RNF180: variants seen among roughly 807,000 people sequenced by gnomAD.
The protein encoded by RNF180 is ring finger protein 180.
In RNF180, 38 loss-of-function variants were observed where a neutral mutation model predicts 59.2. The ratio of observed to expected loss-of-function variants is 0.64; its 90% CI spans 0.50 to 0.84. RNF180 has a LOEUF of 0.84. RNF180 is among the 40% of genes least tolerant of loss of function. The probability of loss-of-function intolerance (pLI) is 0.00; values close to 1 mark genes in which losing one functional copy is unlikely to be tolerated. For missense variants in RNF180, 705 were observed against 700.9 expected, an observed-to-expected ratio of 1.01 and a Z score of -0.07; for synonymous variants, 262 against 240.3, an observed-to-expected ratio of 1.09 and a Z score of -0.84.
At chr5:64,339,885 T>G (rs1468060711) in intron 7 of RNF180, among the ~76,000 whole-genome samples, 1 of 152,122 alleles carries the variant, frequency 6.6e-6, no homozygotes, top group Non-Finnish European at 1.5e-5. Flanking sequence ...CAAATACATA[T>G]TTCATGTATT....
chr5:64,365,146 G>T (rs941856677), intron 7 of RNF180, among the ~76,000 whole-genome samples: 1 of 151,498 alleles, frequency 6.6e-6, no homozygotes, highest in African/African-American at 2.4e-5. Flanking sequence ...ATGTTAGGCT[G>T]TTAATTTCAG....
In RNF180 at chr5:64,369,648, G is replaced by A; in HGVS notation, c.1613G>A (p.Arg538Lys). ...FRRHAAPVTRRQFPHGAHRMD... is the reference protein window; with the variant it reads ...FRRHAAPVTRKQFPHGAHRMD... ...AGACATGCAGCTCCAGTTACAAGAA[G>A]GCAGTTCCCACACGGTGCACACAGG... Residue 538 changes from arginine (R) to lysine (K), a missense_variant, in exon 8 of 8, where the codon AGG (arginine) becomes AAG (lysine). Arg to Lys is a conservative substitution (Grantham distance 26, BLOSUM62 2). Coordinates refer to ENST00000389100, the MANE Select transcript of RNF180 (RefSeq NM_001113561.2). 6.5e-7 allele frequency: 1 copy of A among 1,527,758 alleles called. No homozygotes were observed. Among genetic ancestry groups the A allele is most frequent in the Non-Finnish European group, 8.8e-7 (1 of 1,139,280 alleles). 94.6% of individuals were successfully genotyped at this position (1,527,758 alleles called of 1,614,324 possible).
chr5:64,265,779 T>TGA (rs1744633355), intron 5 of RNF180, among the ~76,000 whole-genome samples: 1 of 151,972 alleles, frequency 6.6e-6, no homozygotes, highest in African/African-American at 2.4e-5. Flanking sequence ...CAGTGGTAGT[T>TGA]TGGGAATAGC....
At chr5:64,246,275 T>C (rs192832462) in intron 5 of RNF180, among the ~76,000 whole-genome samples, 44 of 151,880 alleles carry the variant, frequency 2.9e-4, no homozygotes, top group African/African-American at 9.9e-4. Context: ...TAGAGCAGAA[T>C]TGAAGGAGAA....
intron 1 of RNF180, among the ~76,000 whole-genome samples, chr5:64,193,566 C>G (rs542433615): frequency 6.6e-6 from 1 of 152,238 alleles, no homozygotes; most frequent in South Asian, 2.1e-4. Flanking sequence ...TATCTTGGCC[C>G]ATTCCCAATT....
chr5:64,284,613 C>T (rs892196619), intron 5 of RNF180, among the ~76,000 whole-genome samples: 2 of 152,176 alleles, frequency 1.3e-5, no homozygotes, highest in Non-Finnish European at 2.9e-5. Context: ...TGAACCTTAT[C>T]TATTCTGCTG....
intron 2 of RNF180, among the ~76,000 whole-genome samples, chr5:64,205,672 T>C (rs1407748922): frequency 1.3e-5 from 2 of 152,188 alleles, no homozygotes; most frequent in Admixed American, 1.3e-4. Context: ...AAGTTTTAGG[T>C]GAAGCTGTGA....
chr5:64,353,607 A>G (rs1229306542), intron 7 of RNF180, among the ~76,000 whole-genome samples: 1 of 151,858 alleles, frequency 6.6e-6, no homozygotes, highest in African/African-American at 2.4e-5. Flanking sequence ...AATGTATGTT[A>G]TATAACCTAA....
chr5:64,358,576 A>G (rs1317157856), intron 7 of RNF180, among the ~76,000 whole-genome samples: 1 of 151,888 alleles, frequency 6.6e-6, no homozygotes, highest in African/African-American at 2.4e-5. Flanking sequence ...AAATCTGCCC[A>G]TAGACCTGAA....
chr5:64,292,337 T>C (rs1193097203), intron 5 of RNF180, among the ~76,000 whole-genome samples: 1 of 152,194 alleles, frequency 6.6e-6, no homozygotes, highest in African/African-American at 2.4e-5. Context: ...TTGATGTTGT[T>C]GCTGCCTTAT....
At chr5:64,342,143 A>T (rs572390741) in intron 7 of RNF180, among the ~76,000 whole-genome samples, 1 of 152,212 alleles carries the variant, frequency 6.6e-6, no homozygotes, top group African/African-American at 2.4e-5. Flanking sequence ...TCTGAGTAGG[A>T]TATAGTAAGT....
intron 5 of RNF180, among the ~76,000 whole-genome samples, chr5:64,293,740 T>C (rs1279832902): frequency 1.3e-5 from 2 of 152,296 alleles, no homozygotes; most frequent in East Asian, 1.9e-4. Context: ...TCCAGAGTTA[T>C]GTACTTTATT....
Position 64,200,822 on chromosome 5 carries a change from A to G in RNF180, c.15A>G (p.Lys5=). 1 of 1,612,290 alleles carries G rather than the reference A, an allele frequency of 6.2e-7. No individual in the cohort carries two copies. Among genetic ancestry groups the G allele is most frequent in the Non-Finnish European group, 8.5e-7 (1 of 1,178,804 alleles). ...TGTTTCCGCAGATGAAAAGAAGCAA[A>G]GAATTGATAACTAAAAATCATAGTC... MKRS[K]ELITKNHSQE... The change falls in exon 2 of 8, where the codon AAA becomes AAG. Residue 5 remains lysine (K), a synonymous_variant. Transcript: ENST00000389100.
intron 1 of RNF180, among the ~76,000 whole-genome samples, chr5:64,170,824 A>C (rs2111868945): frequency 6.6e-6 from 1 of 152,276 alleles, no homozygotes; most frequent in Admixed American, 6.5e-5. Flanking sequence ...TGTAGTCAGG[A>C]GCACTTGGTA....
At chr5:64,212,804 T>A (rs1236408753) in intron 3 of RNF180, among the ~76,000 whole-genome samples, 1 of 152,184 alleles carries the variant, frequency 6.6e-6, no homozygotes, top group East Asian at 1.9e-4. Context: ...AAATTATAAG[T>A]AGTAGGACTT....
chr5:64,294,537 A>G (rs879843975), intron 5 of RNF180, among the ~76,000 whole-genome samples: 5 of 152,190 alleles, frequency 3.3e-5, no homozygotes, highest in Non-Finnish European at 7.3e-5. Flanking sequence ...TAATATGTAC[A>G]CTGCATTAGT....
intron 5 of RNF180, among the ~76,000 whole-genome samples, chr5:64,257,102 G>A (rs961665024): frequency 3.9e-5 from 6 of 152,126 alleles, no homozygotes; most frequent in African/African-American, 1.4e-4. Context: ...GAGATTTTGG[G>A]CTGAGATGAT....
intron 7 of RNF180, among the ~76,000 whole-genome samples, chr5:64,349,116 C>G (rs996348979): frequency 2.6e-5 from 4 of 152,068 alleles, no homozygotes; most frequent in Admixed American, 2.0e-4. Flanking sequence ...AAAACCAAAT[C>G]AACACTGCTG....
intron 5 of RNF180, among the ~76,000 whole-genome samples, chr5:64,286,409 C>T (rs1428014584): frequency 6.6e-6 from 1 of 152,174 alleles, no homozygotes; most frequent in Non-Finnish European, 1.5e-5. Context: ...AATGCACTAG[C>T]AGGCTATAAA....
Sources: gnomAD v4.1 joint callset for allele counts (sites outside exome capture counted in the v4.1 genomes callset) on GRCh38, gnomAD v4.1.1 for gene constraint, MANE v1.5 for transcripts, NCBI Gene and HGNC (gene_info 2026-07-23, HGNC 2026-07-21) for gene names.